The following ROBO1 variants were observed in gnomAD, a reference collection of about 807,000 sequenced individuals.
ROBO1 encodes the protein roundabout guidance receptor 1.
ROBO1 carries 149 observed loss-of-function variants against 195.9 expected under a neutral mutation model. That is an observed-to-expected ratio of 0.76 (90% CI 0.67 to 0.87). The LOEUF is 0.87. Ranked by LOEUF, ROBO1 falls within the 40% of genes least tolerant of loss-of-function variation. ROBO1 has a pLI of 0.00. For synonymous variants in ROBO1, 816 were observed against 733.2 expected, an observed-to-expected ratio of 1.11 and a Z score of -1.82; for missense variants, 1,933 against 2,068.3, an observed-to-expected ratio of 0.93 and a Z score of 1.27.
chr3:79,183,080 C>CAAAAAAAAAAAAAAAAAA lies in ROBO1; in HGVS notation c.89-57542_89-57541insTTTTTTTTTTTTTTTTTT, dbSNP rs1304597488. On this transcript the variant is annotated intron_variant, in intron 2 of 30. Coordinates refer to ENST00000464233, the MANE Select transcript of ROBO1 (RefSeq NM_002941.4). ...TGGGTGACAGAGAGAGACTCCAACT[C>CAAAAAAAAAAAAAAAAAA]AAAAAAAAAAAAAAAAAGATACATA... 8.2e-4 allele frequency among the ~76,000 whole-genome samples: 53 copies of CAAAAAAAAAAAAAAAAAA among 64,760 alleles called. 1 individual carries two copies. The highest frequency in any genetic ancestry group is 2.2e-3 in the African/African-American group (41 of 18,598). 42.5% of individuals were successfully genotyped at this position (64,760 alleles called of 152,430 possible). A position where few individuals can be genotyped will look rare whatever the true frequency, so the allele number is the denominator to read the frequency against.
intron 3 of ROBO1, among the ~76,000 whole-genome samples, chr3:78,970,397 G>A (rs1267943276): frequency 6.6e-6 from 1 of 151,998 alleles, no homozygotes; most frequent in African/African-American, 2.4e-5. Context: ...CTACACTGCA[G>A]GGTGATATAA....
At chr3:79,504,217 C>T (rs1424697554) in intron 2 of ROBO1, among the ~76,000 whole-genome samples, 3 of 151,796 alleles carry the variant, frequency 2.0e-5, no homozygotes, top group African/African-American at 4.8e-5. Context: ...TCTAATTTGC[C>T]CTCTGATTTG....
intron 2 of ROBO1, among the ~76,000 whole-genome samples, chr3:79,193,898 G>T (rs1391217889): frequency 6.6e-6 from 1 of 151,494 alleles, no homozygotes; most frequent in African/African-American, 2.4e-5. Flanking sequence ...CAAGAGAAAA[G>T]AGCTTCAAAA....
chr3:79,387,033 T>C (rs997260873), intron 2 of ROBO1, among the ~76,000 whole-genome samples: 21 of 152,140 alleles, frequency 1.4e-4, no homozygotes, highest in Admixed American at 9.8e-4. Flanking sequence ...GAGTCACAAT[T>C]TTGAGATGTA....
intron 1 of ROBO1, among the ~76,000 whole-genome samples, chr3:79,720,269 T>C (rs1241365456): frequency 1.3e-5 from 2 of 152,070 alleles, no homozygotes; most frequent in Admixed American, 1.3e-4. Context: ...GAACATTCCT[T>C]ATAGGAACTC....
chr3:79,288,700 T>TG (rs1158094140), intron 2 of ROBO1, among the ~76,000 whole-genome samples: 1 of 152,152 alleles, frequency 6.6e-6, no homozygotes, highest in African/African-American at 2.4e-5. Flanking sequence ...CCCAGTAAAA[T>TG]GACCTTCACC....
intron 2 of ROBO1, among the ~76,000 whole-genome samples, chr3:79,398,669 T>C (rs2037242358): frequency 6.6e-6 from 1 of 152,164 alleles, no homozygotes; most frequent in Admixed American, 6.5e-5. Context: ...GAGCCCTATG[T>C]ACTGCAGTAC....
chr3:79,077,658 C>CA (rs1464768967), intron 3 of ROBO1, among the ~76,000 whole-genome samples: 2 of 151,830 alleles, frequency 1.3e-5, no homozygotes, highest in Admixed American at 1.3e-4. Context: ...ACCTTGAATG[C>CA]AAATGTTTCT....
At chr3:78,753,795 C>T (rs1018626961) in intron 4 of ROBO1, among the ~76,000 whole-genome samples, 14 of 152,140 alleles carry the variant, frequency 9.2e-5, no homozygotes, top group African/African-American at 2.9e-4. Context: ...ACTTGAAAGT[C>T]TGGTAGATCA....
At chr3:79,551,454 T>C (rs1386049429) in intron 2 of ROBO1, among the ~76,000 whole-genome samples, 1 of 152,072 alleles carries the variant, frequency 6.6e-6, no homozygotes, top group African/African-American at 2.4e-5. Context: ...TTGTTTTGGA[T>C]TCAAATCATT....
At chr3:78,894,116 C>A (rs2037089680) in intron 4 of ROBO1, among the ~76,000 whole-genome samples, 1 of 152,126 alleles carries the variant, frequency 6.6e-6, no homozygotes, top group South Asian at 2.1e-4. Context: ...CCAAAAACCA[C>A]ATTAAAAGAA....
chr3:78,750,718 A>G (rs972402049), intron 4 of ROBO1, among the ~76,000 whole-genome samples: 17 of 152,096 alleles, frequency 1.1e-4, no homozygotes, highest in Admixed American at 6.5e-5. Flanking sequence ...AAGTGTTCCA[A>G]GTAATATGGA....
chr3:79,737,615 A>C (rs1275020766), intron 1 of ROBO1, among the ~76,000 whole-genome samples: 2 of 151,906 alleles, frequency 1.3e-5, no homozygotes, highest in Admixed American at 6.6e-5. Flanking sequence ...CATTGTTTAA[A>C]GTCAATAATG....
At chr3:78,703,543 C>T (rs80101373) in intron 8 of ROBO1, among the ~76,000 whole-genome samples, 2,443 of 151,982 alleles carry the variant, frequency 0.016, 56 homozygotes, top group African/African-American at 0.056. Flanking sequence ...CCCCCTAGTC[C>T]TCAGTTGAAA....
At chr3:79,676,222 C>T (rs1946779576) in intron 1 of ROBO1, among the ~76,000 whole-genome samples, 1 of 151,976 alleles carries the variant, frequency 6.6e-6, no homozygotes, top group Non-Finnish European at 1.5e-5. Context: ...TTTGATATTG[C>T]AACTGTAAAA....
At chr3:79,049,961 T>C (rs1055838146) in intron 3 of ROBO1, among the ~76,000 whole-genome samples, 2 of 152,058 alleles carry the variant, frequency 1.3e-5, no homozygotes, top group Non-Finnish European at 2.9e-5. Context: ...TCAAGACCAT[T>C]GACGCTATGA....
chr3:78,618,444 C>T (rs1355324156), intron 26 of ROBO1, among the ~76,000 whole-genome samples: 1 of 152,168 alleles, frequency 6.6e-6, no homozygotes, highest in African/African-American at 2.4e-5. Context: ...CATCCTGAAA[C>T]ACTTTGCTCC....
chr3:79,531,432 G>A (rs1403522871), intron 2 of ROBO1, among the ~76,000 whole-genome samples: 1 of 152,002 alleles, frequency 6.6e-6, no homozygotes, highest in Non-Finnish European at 1.5e-5. Flanking sequence ...GACCAGGGTG[G>A]GCAACATGTC....
intron 2 of ROBO1, among the ~76,000 whole-genome samples, chr3:79,140,959 T>C (rs528566122): frequency 5.3e-5 from 8 of 152,194 alleles, no homozygotes; most frequent in Non-Finnish European, 8.8e-5. Context: ...GCCTGGTTGC[T>C]TTGTGCTGAT....
Sources: gnomAD v4.1 joint callset for allele counts (sites outside exome capture counted in the v4.1 genomes callset) on GRCh38, gnomAD v4.1.1 for gene constraint, MANE v1.5 for transcripts, NCBI Gene and HGNC (gene_info 2026-07-23, HGNC 2026-07-21) for gene names.